PDGFRA: variants seen among roughly 807,000 people sequenced by gnomAD.
PDGFRA encodes the protein platelet-derived growth factor receptor alpha.
In PDGFRA, 25 loss-of-function variants were observed where a neutral mutation model predicts 121.5. That is an observed-to-expected ratio of 0.21 (90% CI 0.15 to 0.29). PDGFRA has a LOEUF of 0.29. PDGFRA is among the 10% of genes least tolerant of loss of function. The pLI is 1.00. For synonymous variants in PDGFRA, 463 were observed against 494.8 expected, an observed-to-expected ratio of 0.94 and a Z score of 0.85; for missense variants, 1,008 against 1,345.1, an observed-to-expected ratio of 0.75 and a Z score of 3.92.
At position 54,295,106 on chromosome 4, in the gene PDGFRA, T is replaced by G. The variant is rs887202310; in HGVS notation, c.3123-19T>G. ...TCTGTGCAGGAGTTGTAATATTTGC[T>G]CTTCTCTCCCTCCTCCAGCTCGCAG... On this transcript the variant is annotated intron_variant, in intron 22 of 22. Coordinates refer to ENST00000257290, the MANE Select transcript of PDGFRA (RefSeq NM_006206.6). The G allele has an allele frequency of 2.5e-6, 4 of 1,612,756 alleles. No individual in the cohort carries two copies. Among genetic ancestry groups the G allele is most frequent in the Non-Finnish European group, 3.4e-6 (4 of 1,178,924 alleles).
chr4:54,293,472 C>A (rs974611740), intron 22 of PDGFRA, among the ~76,000 whole-genome samples: 11 of 148,622 alleles, frequency 7.4e-5, no homozygotes, highest in Non-Finnish European at 1.5e-4. Flanking sequence ...GCTCTGTCAC[C>A]CAGGCTGGAG....
intron 18 of PDGFRA, among the ~76,000 whole-genome samples, chr4:54,286,392 G>A (rs113201446): frequency 0.015 from 2,253 of 151,048 alleles, 34 homozygotes; most frequent in Non-Finnish European, 0.022. Context: ...GTCTCACTCT[G>A]TCACCCAGGC....
rs775373016 is a variant in PDGFRA, at chr4:54,272,503, A to G, written c.1347A>G (p.Ile449Met). The G allele has an allele frequency of 3.5e-5, 57 of 1,614,058 alleles. No individual in the cohort carries two copies. The highest frequency in any genetic ancestry group is 3.3e-4 in the Middle Eastern group (2 of 6,058). Residue 449 changes from isoleucine to methionine, a missense_variant, in exon 9 of 23, where the codon ATA (isoleucine) becomes ATG (methionine). By Grantham distance (10) the Ile-to-Met change is conservative (BLOSUM62 1). This residue lies in a region of PDGFRA where 575 missense variants were observed against 701.8 expected (regional missense o/e 0.82). Transcript: ENST00000257290. Reference sequence around the variant, plus strand: ...CGCTTCCTGATATTGAGTGGATGATATGCAAAGATATTAAGAAGTATGGAA... The same window carrying G: ...CGCTTCCTGATATTGAGTGGATGATGTGCAAAGATATTAAGAAGTATGGAA... Reference protein sequence around the residue: ...GTPLPDIEWMICKDIKKCNNE... With the variant: ...GTPLPDIEWMMCKDIKKCNNE...
chr4:54,241,326 T>C (rs1386787881), intron 1 of PDGFRA, among the ~76,000 whole-genome samples: 1 of 152,006 alleles, frequency 6.6e-6, no homozygotes, highest in African/African-American at 2.4e-5. Context: ...ATAAAGAAAT[T>C]TTATGAGAAA....
At chr4:54,233,828 C>T (rs997625077) in intron 1 of PDGFRA, among the ~76,000 whole-genome samples, 1 of 152,246 alleles carries the variant, frequency 6.6e-6, no homozygotes, top group Non-Finnish European at 1.5e-5. Flanking sequence ...CGCGGGCGGC[C>T]TGTTGCTGTT....
intron 1 of PDGFRA, among the ~76,000 whole-genome samples, chr4:54,237,610 G>C (rs1044980869): frequency 7.2e-5 from 11 of 152,196 alleles, no homozygotes; most frequent in Admixed American, 6.5e-4. Context: ...GGTAAATCAG[G>C]CTGGCCAGCC....
chr4:54,297,156 T>C lies in PDGFRA; in HGVS notation c.*1884T>C. ...ATGGGAGGATGAATTGTCACATCTA[T>C]CCACACTGTCAAACAGGTTGGTGTG... On this transcript the variant is annotated 3_prime_UTR_variant, in exon 23 of 23. Transcript: ENST00000257290. 1 of 233,568 alleles carries C rather than the reference T, an allele frequency of 4.3e-6. No individual in the cohort carries two copies. The highest frequency in any genetic ancestry group is 8.5e-6 in the Non-Finnish European group (1 of 118,056). The allele number at this position is 233,568 out of a possible 1,614,324, so 14.5% of individuals were successfully genotyped here.
At position 54,295,646 on chromosome 4, in the gene PDGFRA, A is replaced by C. The variant is rs3690; in HGVS notation, c.*374A>C. The C allele has an allele frequency of 0.17, 62,957 of 371,152 alleles. 6,444 individuals carry two copies. Among genetic ancestry groups the C allele is most frequent in the African/African-American group, 0.32 (15,977 of 49,758 alleles). 23.0% of individuals were successfully genotyped at this position (371,152 alleles called of 1,614,324 possible). ...GTAATTATGTAAATAACTCTAACCA[A>C]GGCTGTGTTTAGATTGTATTAACTA... On this transcript the variant is annotated 3_prime_UTR_variant, in exon 23 of 23. Coordinates refer to ENST00000257290, the MANE Select transcript of PDGFRA (RefSeq NM_006206.6).
intron 2 of PDGFRA, among the ~76,000 whole-genome samples, chr4:54,260,598 A>T (rs1448784025): frequency 6.6e-6 from 1 of 151,478 alleles, no homozygotes; most frequent in Non-Finnish European, 1.5e-5. Flanking sequence ...TGTGGAGACC[A>T]GGTCTCACTA....
chr4:54,288,409 C>T (rs1404356146), intron 19 of PDGFRA, among the ~76,000 whole-genome samples: 1 of 152,176 alleles, frequency 6.6e-6, no homozygotes, highest in African/African-American at 2.4e-5. Flanking sequence ...GAGGCCACAA[C>T]TTTGATTTTT....
Position 54,290,504 on chromosome 4 carries a change from C to T in PDGFRA, c.3072C>T (p.Asp1024=), listed in dbSNP as rs766963269. The change falls in exon 22 of 23, where the codon GAC becomes GAT. Residue 1024 remains aspartate, a synonymous_variant. Transcript: ENST00000257290. ...ADSGYIIPLP[D]IDPVPEEEDL... is the part of the protein sequence containing the mutation. Reference sequence around the variant, plus strand: ...GTGGCTACATCATTCCTCTGCCTGACATTGACCCTGTCCCTGAGGAGGAGG... The same window carrying T: ...GTGGCTACATCATTCCTCTGCCTGATATTGACCCTGTCCCTGAGGAGGAGG... 1 of 1,614,050 alleles carries T rather than the reference C, an allele frequency of 6.2e-7. No individual in the cohort carries two copies. Among genetic ancestry groups the T allele is most frequent in the Admixed American group, 1.7e-5 (1 of 60,032 alleles).
chr4:54,290,530 A>T lies in PDGFRA; in HGVS notation c.3098A>T (p.Asp1033Val), dbSNP rs201874958. The T allele has an allele frequency of 5.8e-5, 93 of 1,614,144 alleles. No homozygotes were observed. In the East Asian group the frequency reaches 2.0e-3, roughly 35 times the overall value. ...ATTGACCCTGTCCCTGAGGAGGAGG[A>T]CCTGGGCAAGAGGAACAGACACAGG... ...PDIDPVPEEE[D>V]LGKRNRHSSQ... The change falls in exon 22 of 23, where the codon GAC (aspartate) becomes GTC (valine). Residue 1033 changes from aspartate to valine, a missense_variant. Physicochemically the swap from Asp to Val is radical, Grantham distance 152. Coordinates refer to ENST00000257290, the MANE Select transcript of PDGFRA (RefSeq NM_006206.6).
intron 14 of PDGFRA, 90 bp downstream of exon 14, chr4:54,278,096 C>T (rs1723839946): frequency 1.2e-6 from 1 of 821,716 alleles, no homozygotes; most frequent in Non-Finnish European, 2.1e-6. Context: ...CACTCTCCAT[C>T]CCCACACATG....
At chr4:54,262,593 T>C (rs1263546175) in intron 3 of PDGFRA, among the ~76,000 whole-genome samples, 1 of 152,168 alleles carries the variant, frequency 6.6e-6, no homozygotes, top group Admixed American at 6.5e-5. Flanking sequence ...TCCTACCCTC[T>C]ATAACTACGA....
rs1371704297 is a variant in PDGFRA at position 54,285,084 on chromosome 4, T to G, written c.2324-287T>G. Among the ~76,000 whole-genome samples, 6 of 151,660 alleles carry G rather than the reference T, an allele frequency of 4.0e-5. No homozygotes were observed. In the East Asian group the frequency reaches 1.2e-3, roughly 29 times the overall value. On this transcript the variant is annotated intron_variant, in intron 16 of 22. Coordinates refer to ENST00000257290, the MANE Select transcript of PDGFRA (RefSeq NM_006206.6). Reference sequence around the variant, plus strand: ...AATTTTTTTGTATTATTAGTAGAGATAGGGTTTTACCATGTTGGCCAGACT... The same window carrying G: ...AATTTTTTTGTATTATTAGTAGAGAGAGGGTTTTACCATGTTGGCCAGACT...
intron 16 of PDGFRA, among the ~76,000 whole-genome samples, chr4:54,284,952 T>C (rs1826425): frequency 1 from 144,096 of 144,582 alleles, 71,807 homozygotes; most frequent in Non-Finnish European, 1. Flanking sequence ...GGTGTGATCT[T>C]GGCTCACTGC....
rs73252949 is a variant in PDGFRA at position 54,268,016 on chromosome 4, G to T, written c.1121+275G>T. ...TGGATTCAGCTAGGGTGGAAGAAAG[G>T]AAGTAAAATTGGACTCACCAGGATT... is the stretch of plus-strand genomic sequence containing the variant. On this transcript the variant is annotated intron_variant, in intron 7 of 22. Transcript: ENST00000257290. Among the ~76,000 whole-genome samples, 5,625 of 152,310 alleles carry T rather than the reference G, an allele frequency of 0.037. 145 individuals carry two copies. Among genetic ancestry groups the T allele is most frequent in the Non-Finnish European group, 0.056 (3,824 of 68,022 alleles).
intron 4 of PDGFRA, 24 bp from the exon 5 acceptor site, chr4:54,264,895 C>T (rs375725584): frequency 1.2e-6 from 2 of 1,607,698 alleles, no homozygotes; most frequent in Non-Finnish European, 1.7e-6. Context: ...ATTTTTAGGC[C>T]CTTGTATTTG....
intron 8 of PDGFRA, among the ~76,000 whole-genome samples, chr4:54,271,967 TCCCCC>T (rs1560477088): frequency 7.8e-4 from 1 of 1,276 alleles, no homozygotes; most frequent in Non-Finnish European, 1.3e-3. Context: ...TCCCCTCCCC[TCCCCC>T]CTCCCCTCCC....
Sources: gnomAD v4.1 joint callset for allele counts (sites outside exome capture counted in the v4.1 genomes callset) on GRCh38, gnomAD v4.1.1 for gene constraint, gnomAD v4.1.1 regional missense constraint, MANE v1.5 for transcripts, NCBI Gene and HGNC (gene_info 2026-07-23, HGNC 2026-07-21) for gene names.